TG: variants seen among roughly 807,000 people sequenced by gnomAD.
The protein encoded by TG is thyroid hormones.
A neutral mutation model predicts 324.7 loss-of-function variants in TG; 270 were observed. That is an observed-to-expected ratio of 0.83 (90% CI 0.75 to 0.92). The LOEUF (loss-of-function observed/expected upper bound fraction) is 0.92, where lower values mean the gene tolerates loss of function less well. Ranked by LOEUF, TG falls within the 40% of genes least tolerant of loss-of-function variation. The pLI is 0.00. For missense variants in TG, 3,591 were observed against 3,456.4 expected, an observed-to-expected ratio of 1.04 and a Z score of -0.98; for synonymous variants, 1,401 against 1,327.0, an observed-to-expected ratio of 1.06 and a Z score of -1.21.
intron 41 of TG, among the ~76,000 whole-genome samples, chr8:133,039,168 C>T (rs548417820): frequency 9.2e-5 from 14 of 152,292 alleles, no homozygotes; most frequent in South Asian, 4.1e-4. Context: ...CGTGAGCCAC[C>T]GCGCCTGGCC....
chr8:132,968,006 C>T (rs778500916), intron 31 of TG, 36 bp downstream of exon 31: 10 of 1,608,174 alleles, frequency 6.2e-6, no homozygotes, highest in Non-Finnish European at 8.5e-6. Flanking sequence ...AACTGTATTT[C>T]CAATGTTCTG....
chr8:132,983,451 C>T, intron 35 of TG, 39 bp downstream of exon 35: 1 of 1,563,042 alleles, frequency 6.4e-7, no homozygotes, highest in Non-Finnish European at 8.8e-7. Flanking sequence ...ATGAGAGTAC[C>T]CCCTCATTCA....
In TG at chr8:133,117,574, A is replaced by G. The variant is rs769454651; in HGVS notation, c.7862+858A>G. Among the ~76,000 whole-genome samples the G allele has an allele frequency of 5.3e-5, 8 of 152,220 alleles. No individual in the cohort carries two copies. In the South Asian group the frequency reaches 1.7e-3, roughly 31 times the overall value. ...GCAGTGACTTCGTGCATTAAACCAC[A>G]TCAGATCATAGTGAGGTGCCTTTGG... On this transcript the variant is annotated intron_variant, in intron 45 of 47. Transcript: ENST00000220616.
chr8:133,122,251 G>A (rs1034466575), intron 45 of TG, among the ~76,000 whole-genome samples: 2 of 152,174 alleles, frequency 1.3e-5, no homozygotes, highest in Non-Finnish European at 2.9e-5. Context: ...AAACTTCTAT[G>A]GGGAAAGAAT....
At chr8:132,896,669 G>A (rs1027566692) in intron 11 of TG, among the ~76,000 whole-genome samples, 1 of 152,096 alleles carries the variant, frequency 6.6e-6, no homozygotes, top group Admixed American at 6.5e-5. Context: ...CCCACCCGCT[G>A]CCCACCCTTG....
chr8:132,947,637 CTTT>C (rs3076090), intron 26 of TG, among the ~76,000 whole-genome samples: 43 of 150,354 alleles, frequency 2.9e-4, no homozygotes, highest in Middle Eastern at 3.4e-3. Flanking sequence ...ATATATTGCC[CTTT>C]TTTTTTTTTC....
chr8:133,099,163 C>T (rs1278185265), intron 43 of TG, among the ~76,000 whole-genome samples: 2 of 152,218 alleles, frequency 1.3e-5, no homozygotes, highest in African/African-American at 4.8e-5. Context: ...AATAGAGAAG[C>T]CTCTCTAAGG....
At chr8:132,867,949 C>T (rs1178107653) in intron 1 of TG, among the ~76,000 whole-genome samples, 166 bp from the exon 2 acceptor site, 1 of 152,104 alleles carries the variant, frequency 6.6e-6, no homozygotes. Flanking sequence ...ATTAAATGAG[C>T]TAATGTCATA....
intron 40 of TG, among the ~76,000 whole-genome samples, chr8:133,024,361 T>G (rs1267361138): frequency 7.8e-6 from 1 of 128,914 alleles, no homozygotes; most frequent in African/African-American, 3.3e-5. Context: ...TTTCTTTCTT[T>G]CTTTCTTTCT....
intron 41 of TG, among the ~76,000 whole-genome samples, chr8:133,093,252 T>C (rs1182138959): frequency 1.3e-5 from 2 of 152,164 alleles, no homozygotes; most frequent in African/African-American, 4.8e-5. Context: ...CTAAATCATA[T>C]TGACGCTTGT....
At position 132,976,051 on chromosome 8, in the gene TG, G is replaced by A. The variant is rs75371489; in HGVS notation, c.6199+3310G>A. On this transcript the variant is annotated intron_variant, in intron 34 of 47. Transcript: ENST00000220616. ...TTTTCCTTAGACACAGTGTAGTGAG[G>A]AAAATATGAGGAAATATGATTAAAT... Among the ~76,000 whole-genome samples the A allele has an allele frequency of 7.8e-3, 1,184 of 152,276 alleles. 17 individuals carry two copies. Among genetic ancestry groups the A allele is most frequent in the African/African-American group, 0.027 (1,133 of 41,548 alleles).
chr8:132,949,713 T>C (rs1343663237), intron 27 of TG, among the ~76,000 whole-genome samples: 1 of 152,222 alleles, frequency 6.6e-6, no homozygotes. Context: ...TTTCCTCTTC[T>C]TTCTCTTGGA....
chr8:132,899,507 A>G (rs1817617606), intron 14 of TG, among the ~76,000 whole-genome samples: 1 of 152,228 alleles, frequency 6.6e-6, no homozygotes, highest in African/African-American at 2.4e-5. Context: ...CAAAGACTTG[A>G]TGAGAAGCAG....
At chr8:133,075,825 G>C (rs748344601) in intron 41 of TG, among the ~76,000 whole-genome samples, 5 of 152,028 alleles carry the variant, frequency 3.3e-5, no homozygotes, top group African/African-American at 1.2e-4. Flanking sequence ...GAAGGCAAAC[G>C]GGACAAAATG....
At chr8:132,895,135 T>TC (rs1440166704) in intron 11 of TG, among the ~76,000 whole-genome samples, 20 of 152,372 alleles carry the variant, frequency 1.3e-4, no homozygotes, top group Non-Finnish European at 2.4e-4. Context: ...GATTTCTCAC[T>TC]GACCCCACAT....
At chr8:132,898,639 T>C (rs1817473576) in intron 13 of TG, among the ~76,000 whole-genome samples, 159 bp from the exon 14 acceptor site, 2 of 152,234 alleles carry the variant, frequency 1.3e-5, no homozygotes, top group African/African-American at 4.8e-5. Flanking sequence ...AAAGCTGGCA[T>C]GTCCCACATG....
rs199712883 is a variant in TG, at chr8:132,882,849, A to G, written c.925A>G (p.Thr309Ala). 1.9e-5 allele frequency: 30 copies of G among 1,614,184 alleles called. No homozygotes were observed. In the East Asian group the frequency reaches 4.0e-4, roughly 22 times the overall value. Residue 309 changes from threonine to alanine, a missense_variant, in exon 8 of 48, where the codon ACC becomes GCC. Coordinates refer to ENST00000220616, the MANE Select transcript of TG (RefSeq NM_003235.5). ...ATGTGAAGTGGAGCGGTTTACAGCAACCAGCTTTGGTCACCCCTATGTTCC... is the reference window on the plus strand; with the variant it reads ...ATGTGAAGTGGAGCGGTTTACAGCAGCCAGCTTTGGTCACCCCTATGTTCC... ...TKCEVERFTATSFGHPYVPSC... is the reference protein window; with the variant it reads ...TKCEVERFTAASFGHPYVPSC...
intron 14 of TG, 182 bp downstream of exon 14, chr8:132,899,092 G>T: frequency 1.5e-6 from 1 of 658,988 alleles, no homozygotes. Context: ...TACCTTTTCT[G>T]TGTCCCAGTT....
At chr8:132,976,792 T>A (rs751227385) in intron 34 of TG, among the ~76,000 whole-genome samples, 7 of 152,160 alleles carry the variant, frequency 4.6e-5, no homozygotes, top group African/African-American at 1.4e-4. Flanking sequence ...CAAGGTTGTG[T>A]TGACATGGTG....
Sources: allele counts gnomAD v4.1 joint callset (sites outside exome capture counted in the v4.1 genomes callset), GRCh38; gene constraint gnomAD v4.1.1; transcripts MANE v1.5; gene names NCBI Gene and HGNC (gene_info 2026-07-23, HGNC 2026-07-21).